Variants in WDFY2 observed in about 807,000 individuals in gnomAD.
WDFY2 encodes WD repeat and FYVE domain containing 2.
WDFY2 carries 36 observed loss-of-function variants against 56.4 expected under a neutral mutation model. That is an observed-to-expected ratio of 0.64 (90% CI 0.49 to 0.84). The LOEUF (loss-of-function observed/expected upper bound fraction) is 0.84. Ranked by LOEUF, WDFY2 falls within the 40% of genes least tolerant of loss-of-function variation. The pLI, the probability that WDFY2 is intolerant of heterozygous loss-of-function variation, is 0.00. For synonymous variants in WDFY2, 176 were observed against 183.7 expected (o/e 0.96, Z 0.34); for missense variants, 444 against 512.2 (o/e 0.87, Z 1.29).
At position 51,691,571 on chromosome 13, in the gene WDFY2, C is replaced by G. The variant is rs1200545658; in HGVS notation, c.280-12025C>G. ...ATTGATCTATATCTCTGTTTTGGTA[C>G]CAGTACCATGCTGTTTTGGTTACTG... On this transcript the variant is annotated intron_variant, in intron 3 of 11. Transcript: ENST00000298125. Among the ~76,000 whole-genome samples the G allele has an allele frequency of 4.6e-5, 7 of 152,072 alleles. No individual in the cohort carries two copies. In the East Asian group the frequency reaches 9.6e-4, roughly 21 times the overall value.
At chr13:51,675,436 C>A (rs1378895593) in intron 3 of WDFY2, among the ~76,000 whole-genome samples, 193 bp downstream of exon 3, 1 of 152,168 alleles carries the variant, frequency 6.6e-6, no homozygotes, top group Non-Finnish European at 1.5e-5. Flanking sequence ...CACTTAAATG[C>A]TGACAAGGTT....
At chr13:51,584,915 C>T (rs1043251276) in intron 1 of WDFY2, 91 bp downstream of exon 1, 2 of 1,535,462 alleles carry the variant, frequency 1.3e-6, no homozygotes, top group Non-Finnish European at 1.8e-6. Flanking sequence ...CACGTCGGCG[C>T]GAGTGTAGAC....
intron 3 of WDFY2, among the ~76,000 whole-genome samples, chr13:51,679,345 A>C (rs1435462054): frequency 6.6e-6 from 1 of 152,232 alleles, no homozygotes; most frequent in Admixed American, 6.5e-5. Context: ...CTTCTCCATC[A>C]AAACTTACAG....
Position 51,756,427 on chromosome 13 carries a change from C to T in WDFY2, c.1029C>T (p.Val343=), listed in dbSNP as rs1566240216. The stretch of plus-strand genomic sequence containing the variant: ...TGGGCTTCGAGTTTGAAGTGAGGGT[C>T]TGTGACAGCTGCCACGAGGCCATCA... The part of the protein sequence containing the change: ...PLMGFEFEVR[V]CDSCHEAITD... The change falls in exon 10 of 12, where the codon GTC becomes GTT. Residue 343 remains valine, a synonymous_variant. Coordinates refer to ENST00000298125, the MANE Select transcript of WDFY2 (RefSeq NM_052950.4). 1.9e-6 allele frequency: 3 copies of T among 1,614,128 alleles called. No homozygotes were observed. Among genetic ancestry groups the T allele is most frequent in the Non-Finnish European group, 2.5e-6 (3 of 1,180,016 alleles).
chr13:51,766,653 T>C lies in WDFY2; in HGVS notation c.*6884T>C, dbSNP rs1031977320. 3.3e-5 allele frequency: 5 copies of C among 152,244 alleles called. No individual in the cohort carries two copies. The highest frequency in any genetic ancestry group is 6.5e-5 in the Admixed American group (1 of 15,290). The allele number at this position is 152,244 out of a possible 1,614,324, so 9.4% of individuals were successfully genotyped here. On this transcript the variant is annotated 3_prime_UTR_variant, in exon 12 of 12. Coordinates refer to ENST00000298125, the MANE Select transcript of WDFY2 (RefSeq NM_052950.4). ...ATCCAGGCCCCCAATCAAATGCTGC[T>C]GAATATTGTGAATGTTTTTACTCCG...
Position 51,762,912 on chromosome 13 carries a change from A to G in WDFY2, c.*3143A>G, listed in dbSNP as rs901285836. 6.6e-6 allele frequency: 1 copy of G among 152,242 alleles called. No homozygotes were observed. Among genetic ancestry groups the G allele is most frequent in the Non-Finnish European group, 1.5e-5 (1 of 68,046 alleles). 9.4% of individuals were successfully genotyped at this position (152,242 alleles called of 1,614,324 possible). The stretch of plus-strand genomic sequence containing the variant: ...CTCCAAACGAATGACATTACTTGAC[A>G]TTACTGCCTGAGTGTATCTTCACAA... On this transcript the variant is annotated 3_prime_UTR_variant, in exon 12 of 12. Coordinates refer to ENST00000298125, the MANE Select transcript of WDFY2 (RefSeq NM_052950.4).
intron 2 of WDFY2, among the ~76,000 whole-genome samples, chr13:51,668,909 T>G (rs118064487): frequency 1.8e-3 from 279 of 152,340 alleles, no homozygotes; most frequent in Non-Finnish European, 3.0e-3. Context: ...GAAAATACAT[T>G]AGTCATAAAA....
At chr13:51,751,904 C>T (rs768096386) in intron 8 of WDFY2, among the ~76,000 whole-genome samples, 112 of 152,280 alleles carry the variant, frequency 7.4e-4, no homozygotes, top group Non-Finnish European at 1.3e-3. Context: ...TTTTCTAGCA[C>T]GTATTTACAT....
intron 6 of WDFY2, among the ~76,000 whole-genome samples, chr13:51,731,748 A>G (rs1008019087): frequency 6.6e-6 from 1 of 152,234 alleles, no homozygotes; most frequent in African/African-American, 2.4e-5. Context: ...TAAGGACAAA[A>G]TGAACACCCT....
At chr13:51,663,412 T>C (rs1955648105) in intron 2 of WDFY2, among the ~76,000 whole-genome samples, 1 of 152,186 alleles carries the variant, frequency 6.6e-6, no homozygotes, top group African/African-American at 2.4e-5. Flanking sequence ...ACAAGATGTA[T>C]ATGGTCAAGA....
At chr13:51,622,466 C>A (rs976216888) in intron 1 of WDFY2, among the ~76,000 whole-genome samples, 36 of 152,226 alleles carry the variant, frequency 2.4e-4, no homozygotes, top group Non-Finnish European at 1.5e-4. Context: ...CAGCAACACA[C>A]ATTCACAGCA....
chr13:51,735,577 G>A (rs190699438), intron 6 of WDFY2, among the ~76,000 whole-genome samples: 2 of 152,326 alleles, frequency 1.3e-5, no homozygotes, highest in East Asian at 3.9e-4. Flanking sequence ...ATGCTCTTCT[G>A]TTCTCAAAAG....
chr13:51,628,194 G>T (rs1034063889), intron 1 of WDFY2, among the ~76,000 whole-genome samples: 1 of 152,188 alleles, frequency 6.6e-6, no homozygotes, highest in Non-Finnish European at 1.5e-5. Flanking sequence ...GCAGTCCTGC[G>T]CTGAGCCGCC....
At chr13:51,750,929 AT>A (rs1330830533) in intron 7 of WDFY2, among the ~76,000 whole-genome samples, 1 of 152,160 alleles carries the variant, frequency 6.6e-6, no homozygotes, top group Non-Finnish European at 1.5e-5. Flanking sequence ...TTCAAGGATA[AT>A]TTTTTAAAAG....
At chr13:51,695,034 A>T (rs535255185) in intron 3 of WDFY2, among the ~76,000 whole-genome samples, 1 of 152,184 alleles carries the variant, frequency 6.6e-6, no homozygotes, top group African/African-American at 2.4e-5. Flanking sequence ...CAGCTCCATC[A>T]GCTCCTTTAA....
chr13:51,681,704 C>T (rs1955979453), intron 3 of WDFY2, among the ~76,000 whole-genome samples: 1 of 152,034 alleles, frequency 6.6e-6, no homozygotes, highest in Non-Finnish European at 1.5e-5. Context: ...AAAATATATG[C>T]ATATTTTAAT....
chr13:51,638,303 G>T (rs971712315), intron 1 of WDFY2, among the ~76,000 whole-genome samples: 1 of 152,204 alleles, frequency 6.6e-6, no homozygotes, highest in Non-Finnish European at 1.5e-5. Context: ...GCTCCTGGGG[G>T]TGGGGTATTA....
intron 1 of WDFY2, among the ~76,000 whole-genome samples, chr13:51,599,796 C>T (rs952444938): frequency 4.6e-5 from 7 of 151,786 alleles, no homozygotes; most frequent in African/African-American, 1.7e-4. Context: ...ACAATTGAAA[C>T]AAGGTTTTCC....
rs1953792561 is a variant in WDFY2, at chr13:51,767,663, T to G, written c.*7894T>G. 6.5e-6 allele frequency: 1 copy of G among 154,750 alleles called. No individual in the cohort carries two copies. The highest frequency in any genetic ancestry group is 2.0e-4 in the South Asian group (1 of 5,090). 9.6% of individuals were successfully genotyped at this position (154,750 alleles called of 1,614,324 possible). A position where few individuals can be genotyped will look rare whatever the true frequency, so the allele number is the denominator to read the frequency against. ...TGCATTACTGAAGCCACTCCTAATC[T>G]TAAGCAAATGTAAACTAGGCCTCAT... On this transcript the variant is annotated 3_prime_UTR_variant, in exon 12 of 12. Transcript: ENST00000298125.
Sources: allele counts gnomAD v4.1 joint callset (sites outside exome capture counted in the v4.1 genomes callset), GRCh38; gene constraint gnomAD v4.1.1; transcripts MANE v1.5; gene names NCBI Gene and HGNC (gene_info 2026-07-23, HGNC 2026-07-21).